Variants in ARHGAP39 observed in about 807,000 individuals in gnomAD.
The protein encoded by ARHGAP39 is Rho GTPase activating protein 39, also known as rho GTPase-activating protein 39.
Under a neutral mutation model 106.9 loss-of-function variants are expected in ARHGAP39, and 44 were observed. That is an observed-to-expected ratio of 0.41 (90% CI 0.32 to 0.53). The LOEUF is 0.53. ARHGAP39 is among the 20% of genes least tolerant of loss of function. The pLI, the probability that ARHGAP39 is intolerant of heterozygous loss-of-function variation, is 0.21. For synonymous variants in ARHGAP39, 768 were observed against 693.2 expected (o/e 1.11, Z -1.69); for missense variants, 1,496 against 1,577.3 (o/e 0.95, Z 0.87).
At chr8:144,564,205 T>C (rs540011073) in intron 3 of ARHGAP39, among the ~76,000 whole-genome samples, 1 of 152,350 alleles carries the variant, frequency 6.6e-6, no homozygotes, top group South Asian at 2.1e-4. Context: ...GCATGTAAAA[T>C]GTCATCACAA....
chr8:144,623,465 A>G (rs1020616490), intron 1 of ARHGAP39, among the ~76,000 whole-genome samples: 1 of 152,260 alleles, frequency 6.6e-6, no homozygotes, highest in Non-Finnish European at 1.5e-5. Context: ...CTAAAAGTCA[A>G]GAATGGAAGA....
intron 2 of ARHGAP39, among the ~76,000 whole-genome samples, chr8:144,583,880 GT>G (rs1563687484): frequency 6.6e-6 from 1 of 152,204 alleles, no homozygotes; most frequent in African/African-American, 2.4e-5. Context: ...CAAGTGTCCA[GT>G]TTTAAAGTGT....
At chr8:144,575,568 G>C (rs117140834) in intron 3 of ARHGAP39, among the ~76,000 whole-genome samples, 5 of 152,142 alleles carry the variant, frequency 3.3e-5, no homozygotes, top group Non-Finnish European at 7.4e-5. Flanking sequence ...TTGCCACATG[G>C]TGTCCTGGGA....
chr8:144,607,291 T>C (rs192445834), intron 1 of ARHGAP39, among the ~76,000 whole-genome samples: 6 of 150,528 alleles, frequency 4.0e-5, no homozygotes, highest in Non-Finnish European at 7.4e-5. Flanking sequence ...AGAGTACAGT[T>C]GCCTTTCCTG....
rs955942542 is a variant in ARHGAP39, at chr8:144,670,339, G to A, written c.-82+15347C>T. Among the ~76,000 whole-genome samples, 4 of 152,136 alleles carry A rather than the reference G, an allele frequency of 2.6e-5. No individual in the cohort carries two copies. Among genetic ancestry groups the A allele is most frequent in the Non-Finnish European group, 4.4e-5 (3 of 68,016 alleles). ...CACCTGGGACCAGGAGGCTGTGCCC[G>A]GGTTCACCACACTGCTCCATCACCC... On this transcript the variant is annotated intron_variant, in intron 1 of 11. Transcript: ENST00000377307. The surrounding 1 kb of genome is among the most constrained non-coding windows in gnomAD (Gnocchi z 4.4).
intron 3 of ARHGAP39, among the ~76,000 whole-genome samples, chr8:144,558,938 G>A (rs147184763): frequency 5.2e-4 from 79 of 152,122 alleles, no homozygotes; most frequent in African/African-American, 1.8e-3. Flanking sequence ...GGCCGGGCAC[G>A]GTAGCTTACA....
At chr8:144,562,487 C>T (rs1818227177) in intron 3 of ARHGAP39, among the ~76,000 whole-genome samples, 1 of 151,730 alleles carries the variant, frequency 6.6e-6, no homozygotes, top group African/African-American at 2.4e-5. Context: ...TTCCATCGCA[C>T]TCCAGTGGTT....
At chr8:144,642,874 G>A (rs1350699756) in intron 1 of ARHGAP39, among the ~76,000 whole-genome samples, 1 of 152,008 alleles carries the variant, frequency 6.6e-6, no homozygotes, top group Non-Finnish European at 1.5e-5. Flanking sequence ...TACATCAGGT[G>A]TGATGGCTCA....
At position 144,629,388 on chromosome 8, in the gene ARHGAP39, G is replaced by A. The variant is rs569709491; in HGVS notation, c.-81-23693C>T. Among the ~76,000 whole-genome samples, 33 of 152,276 alleles carry A rather than the reference G, an allele frequency of 2.2e-4. 1 individual carries two copies. The Middle Eastern group carries it at 0.014, about 63-fold the overall frequency. ...AGAGCAGACCCGCAGGCTCCAGCGG[G>A]GCTGAGGCGGAGCACGGCTGTGAGA... On this transcript the variant is annotated intron_variant, in intron 1 of 11. Transcript: ENST00000377307.
chr8:144,661,319 C>A (rs1311748753), intron 1 of ARHGAP39, among the ~76,000 whole-genome samples: 1 of 152,198 alleles, frequency 6.6e-6, no homozygotes, highest in South Asian at 2.1e-4. Context: ...CTCCTCTTTG[C>A]GCATTCGCGC....
At chr8:144,628,812 G>A (rs1343255666) in intron 1 of ARHGAP39, among the ~76,000 whole-genome samples, 3 of 152,186 alleles carry the variant, frequency 2.0e-5, no homozygotes, top group Non-Finnish European at 4.4e-5. Flanking sequence ...CCACATCCTG[G>A]TCCAGCTTCT....
rs1390743064 is a variant in ARHGAP39, at chr8:144,557,357, AGAG to A, written c.513-1717_513-1715del. ...CAAAGGCTGAACCTTCGTAGTATTC[AGAG>A]GCAAAGGCTGAACCTTCATAGTATT... On this transcript the variant is annotated intron_variant, in intron 3 of 11. Coordinates refer to ENST00000377307, the MANE Select transcript of ARHGAP39 (RefSeq NM_025251.3). Among the ~76,000 whole-genome samples, 15 of 131,074 alleles carry A rather than the reference AGAG, an allele frequency of 1.1e-4. 1 individual carries two copies. The highest frequency in any genetic ancestry group is 1.6e-4 in the African/African-American group (6 of 36,804). 86.0% of individuals were successfully genotyped at this position (131,074 alleles called of 152,430 possible).
At chr8:144,640,476 C>A (rs1022154179) in intron 1 of ARHGAP39, among the ~76,000 whole-genome samples, 2 of 152,216 alleles carry the variant, frequency 1.3e-5, no homozygotes, top group Non-Finnish European at 2.9e-5. Flanking sequence ...CCAGGTAAGA[C>A]GTGACTTGCT....
In ARHGAP39 at chr8:144,646,398, CT is replaced by C. The variant is rs1821444878; in HGVS notation, c.-82+39287del. ...AACTTCGTAGCACATGCCTTCTTGG[CT>C]TCTGTTTGTTTTTAATCCTGTGAAA... is the stretch of plus-strand genomic sequence containing the variant. On this transcript the variant is annotated intron_variant, in intron 1 of 11. Transcript: ENST00000377307. This position sits in a 1 kb window ranked among gnomAD's most constrained non-coding sequence, Gnocchi z 5.7. 6.6e-6 allele frequency among the ~76,000 whole-genome samples: 1 copy of C among 152,044 alleles called. No individual in the cohort carries two copies.
At chr8:144,610,711 C>CA (rs113580432) in intron 1 of ARHGAP39, among the ~76,000 whole-genome samples, 15,689 of 144,172 alleles carry the variant, frequency 0.11, 1,772 homozygotes, top group African/African-American at 0.29. Context: ...GACTCCGTCT[C>CA]AAAAAAAAAA....
intron 3 of ARHGAP39, among the ~76,000 whole-genome samples, chr8:144,569,602 C>T (rs1011786833): frequency 1.3e-5 from 2 of 152,094 alleles, no homozygotes; most frequent in Admixed American, 6.5e-5. Context: ...AGCAGGTAGA[C>T]GAATGGTTCC....
At chr8:144,622,687 A>G (rs1188590543) in intron 1 of ARHGAP39, among the ~76,000 whole-genome samples, 1 of 152,260 alleles carries the variant, frequency 6.6e-6, no homozygotes, top group Non-Finnish European at 1.5e-5. Context: ...ACTACCAGGT[A>G]AGATATATTT....
upstream of ARHGAP39, among the ~76,000 whole-genome samples, chr8:144,689,010 A>G (rs1054718307): frequency 2.6e-5 from 4 of 152,220 alleles, no homozygotes; most frequent in African/African-American, 9.6e-5. Flanking sequence ...TCACAGGCCC[A>G]GAAACACGCA....
Position 144,530,609 on chromosome 8 carries a change from A to G in ARHGAP39, c.3158T>C (p.Val1053Ala). The G allele has an allele frequency of 6.6e-7, 1 of 1,509,754 alleles. No homozygotes were observed. The highest frequency in any genetic ancestry group is 1.4e-5 in the African/African-American group (1 of 69,996). 93.5% of individuals were successfully genotyped at this position (1,509,754 alleles called of 1,614,324 possible). A position where few individuals can be genotyped will look rare whatever the true frequency, so the allele number is the denominator to read the frequency against. Residue 1053 changes from valine to alanine, a missense_variant, in exon 12 of 12, where the codon GTG becomes GCG. Transcript: ENST00000377307. Reference protein sequence around the residue: ...CYLIRFLQVFVQPANVAVTKM... With the variant: ...CYLIRFLQVFAQPANVAVTKM... ...GGTGACCGCGACGTTGGCCGGCTGCACGAAGACCTGGTGGAGGAGCGAGGG... is the reference window on the plus strand; with the variant it reads ...GGTGACCGCGACGTTGGCCGGCTGCGCGAAGACCTGGTGGAGGAGCGAGGG...
Sources: allele counts gnomAD v4.1 joint callset (sites outside exome capture counted in the v4.1 genomes callset), GRCh38; gene constraint gnomAD v4.1.1; non-coding constraint Gnocchi (gnomAD v3.1); transcripts MANE v1.5; gene names NCBI Gene and HGNC (gene_info 2026-07-23, HGNC 2026-07-21).